The following MPHOSPH10 variants were observed in gnomAD, a reference collection of about 807,000 sequenced individuals.
The protein encoded by MPHOSPH10 is M-phase phosphoprotein 10.
In MPHOSPH10, 33 loss-of-function variants were observed where a neutral mutation model predicts 77.3. That is an observed-to-expected ratio of 0.43 (90% confidence interval 0.32 to 0.57). MPHOSPH10 has a LOEUF of 0.57. MPHOSPH10 is among the 20% of genes least tolerant of loss of function. The probability of loss-of-function intolerance (pLI) is 0.07; values close to 1 mark genes in which losing one functional copy is unlikely to be tolerated. For synonymous variants in MPHOSPH10, 245 were observed against 268.0 expected (o/e 0.91, Z 0.84); for missense variants, 708 against 780.1 (o/e 0.91, Z 1.10).
At chr2:71,138,899 G>A (rs1222437482) in intron 5 of MPHOSPH10, 4 of 599,312 alleles carry the variant, frequency 6.7e-6, no homozygotes, top group Admixed American at 5.8e-5. Flanking sequence ...GCCAGATACG[G>A]TGGCAGATTT....
chr2:71,140,363 G>A (rs1177237184), intron 6 of MPHOSPH10, among the ~76,000 whole-genome samples: 1 of 152,196 alleles, frequency 6.6e-6, no homozygotes, highest in Non-Finnish European at 1.5e-5. Flanking sequence ...GGCATCACAT[G>A]GTGAAAGGGC....
At chr2:71,141,205 A>G (rs776139516) in intron 6 of MPHOSPH10, 27 bp from the exon 7 acceptor site, 3 of 1,336,212 alleles carry the variant, frequency 2.2e-6, no homozygotes, top group Non-Finnish European at 2.9e-6. Context: ...AGGTTTTGTT[A>G]TGTTCTACCT....
Position 71,132,365 on chromosome 2 carries a change from C to T in MPHOSPH10, c.90-533C>T, listed in dbSNP as rs1572896099. Among the ~76,000 whole-genome samples the T allele has an allele frequency of 2.0e-5, 3 of 152,332 alleles. No homozygotes were observed. In the South Asian group the frequency reaches 6.2e-4, roughly 32 times the overall value. The stretch of plus-strand genomic sequence containing the variant: ...CCATCAGTCTCTCCAGCTTCACCCT[C>T]TGCCTCCTTCACACTCTAGCCATGG... On this transcript the variant is annotated intron_variant, in intron 1 of 10. Transcript: ENST00000244230.
In MPHOSPH10 at chr2:71,149,204, G is replaced by A; in HGVS notation, c.1666-19G>A. 6.5e-7 allele frequency: 1 copy of A among 1,529,344 alleles called. No homozygotes were observed. The highest frequency in any genetic ancestry group is 2.4e-5 in the East Asian group (1 of 40,928). 94.7% of individuals were successfully genotyped at this position (1,529,344 alleles called of 1,614,324 possible). ...TTAAACTTGATGAATGAATATGTTGGTGGTTATTTTTTTAATAGGAGAAAA... is the reference window on the plus strand; with the variant it reads ...TTAAACTTGATGAATGAATATGTTGATGGTTATTTTTTTAATAGGAGAAAA... On this transcript the variant is annotated intron_variant, in intron 9 of 10. Transcript: ENST00000244230.
intron 3 of MPHOSPH10, among the ~76,000 whole-genome samples, 168 bp downstream of exon 3, chr2:71,134,273 A>C (rs576125681): frequency 1.3e-5 from 2 of 152,356 alleles, no homozygotes; most frequent in African/African-American, 4.8e-5. Flanking sequence ...ATTAGAGATC[A>C]CTTAATGAAG....
At chr2:71,136,311 C>T (rs552008189) in intron 4 of MPHOSPH10, among the ~76,000 whole-genome samples, 21 of 152,158 alleles carry the variant, frequency 1.4e-4, no homozygotes, top group African/African-American at 3.4e-4. Flanking sequence ...CCCAGGAATT[C>T]GAGACCAACC....
chr2:71,148,979 G>A, intron 9 of MPHOSPH10: 1 of 508,462 alleles, frequency 2.0e-6, no homozygotes, highest in Non-Finnish European at 3.5e-6. Flanking sequence ...TTGCCTTCTT[G>A]TGAATTAGTT....
At position 71,139,837 on chromosome 2, in the gene MPHOSPH10, T is replaced by A. The variant is rs144451311; in HGVS notation, c.1283T>A (p.Ile428Asn). ...TEETTLQLED[I>N]IKQRIRDQAW... is the part of the protein sequence containing the mutation. ...GAAACCACCCTTCAACTGGAAGATA[T>A]CATTAAACAGAGGATAAGAGATCAG... Residue 428 changes from isoleucine (I) to asparagine (N), a missense_variant, in exon 6 of 11, where the codon ATC becomes AAC. Transcript: ENST00000244230. The A allele has an allele frequency of 2.5e-6, 4 of 1,608,438 alleles. No homozygotes were observed. Among genetic ancestry groups the A allele is most frequent in the Non-Finnish European group, 3.4e-6 (4 of 1,177,842 alleles).
At chr2:71,131,509 C>T (rs1384144559) in intron 1 of MPHOSPH10, among the ~76,000 whole-genome samples, 1 of 152,176 alleles carries the variant, frequency 6.6e-6, no homozygotes, top group Non-Finnish European at 1.5e-5. Flanking sequence ...ACCTGTCAAG[C>T]GCGTCTGTGT....
intron 6 of MPHOSPH10, among the ~76,000 whole-genome samples, chr2:71,140,839 G>T (rs1278014538): frequency 1.3e-5 from 2 of 152,090 alleles, no homozygotes; most frequent in East Asian, 3.8e-4. Context: ...AATTTGAAAT[G>T]AAACATGATA....
In MPHOSPH10 at chr2:71,150,037, A is replaced by C. The variant is rs773221118; in HGVS notation, c.*22A>C. 6 of 1,150,990 alleles carry C rather than the reference A, an allele frequency of 5.2e-6. No individual in the cohort carries two copies. Among genetic ancestry groups the C allele is most frequent in the Admixed American group, 2.9e-5 (1 of 34,010 alleles). The allele number at this position is 1,150,990 out of a possible 1,614,324, so 71.3% of individuals were successfully genotyped here. ...GTAATATATTTTGAATATAATGTAA[A>C]TATTAATGTGTAAGCTTATATTGTG... On this transcript the variant is annotated 3_prime_UTR_variant, in exon 11 of 11. Coordinates refer to ENST00000244230, the MANE Select transcript of MPHOSPH10 (RefSeq NM_005791.3).
At chr2:71,149,518 G>A in intron 10 of MPHOSPH10, 65 bp downstream of exon 10, 2 of 1,451,558 alleles carry the variant, frequency 1.4e-6, no homozygotes, top group Non-Finnish European at 1.9e-6. Context: ...AGCAAGTGCT[G>A]GGTGACTGGA....
chr2:71,141,082 CAAT>C (rs1431127387), intron 6 of MPHOSPH10, 147 bp from the exon 7 acceptor site: 20 of 367,232 alleles, frequency 5.4e-5, no homozygotes, highest in African/African-American at 2.9e-4. Flanking sequence ...TTTATTATAA[CAAT>C]GATATAATTT....
intron 10 of MPHOSPH10, 92 bp downstream of exon 10, chr2:71,149,545 A>C (rs1429989637): frequency 8.4e-7 from 1 of 1,183,628 alleles, no homozygotes; most frequent in Admixed American, 2.3e-5. Context: ...GAGCCAGCTG[A>C]CAGCCCACCT....
intron 9 of MPHOSPH10, 152 bp from the exon 10 acceptor site, chr2:71,149,071 C>T (rs1458868): frequency 0.49 from 325,976 of 663,194 alleles, 83,211 homozygotes; most frequent in Middle Eastern, 0.56. Flanking sequence ...TACCAACGCT[C>T]ATTGGAATGC....
intron 8 of MPHOSPH10, among the ~76,000 whole-genome samples, chr2:71,145,303 G>A (rs1160187469): frequency 6.6e-6 from 1 of 152,188 alleles, no homozygotes; most frequent in Non-Finnish European, 1.5e-5. Context: ...ATGAATTAAA[G>A]ACTAGTCTAG....
rs1673789704 is a variant in MPHOSPH10 at position 71,149,856 on chromosome 2, T to C, written c.1897-10T>C. The stretch of plus-strand genomic sequence containing the variant: ...TTTACAGCATAAGCATGTGGTGTTT[T>C]TAATTGCAGGATGAAGGTAAAGACA... On this transcript the variant is annotated splice_polypyrimidine_tract_variant and intron_variant, in intron 10 of 10. Transcript: ENST00000244230. 6 of 1,524,810 alleles carry C rather than the reference T, an allele frequency of 3.9e-6. No individual in the cohort carries two copies. Among genetic ancestry groups the C allele is most frequent in the East Asian group, 4.7e-5 (2 of 42,882 alleles). 94.5% of individuals were successfully genotyped at this position (1,524,810 alleles called of 1,614,324 possible).
At chr2:71,146,319 C>T (rs1673706222) in intron 8 of MPHOSPH10, among the ~76,000 whole-genome samples, 1 of 143,536 alleles carries the variant, frequency 7.0e-6, no homozygotes, top group African/African-American at 2.5e-5. Context: ...TAATCACAGC[C>T]ATTATTTTTT....
chr2:71,131,930 C>T (rs1372112562), intron 1 of MPHOSPH10, among the ~76,000 whole-genome samples: 1 of 152,182 alleles, frequency 6.6e-6, no homozygotes, highest in Non-Finnish European at 1.5e-5. Context: ...ATGTGCAGGT[C>T]ACAGGGGTTA....
Sources: gnomAD v4.1 joint callset for allele counts (sites outside exome capture counted in the v4.1 genomes callset) on GRCh38, gnomAD v4.1.1 for gene constraint, MANE v1.5 for transcripts, NCBI Gene and HGNC (gene_info 2026-07-23, HGNC 2026-07-21) for gene names.